BNC2: variants seen among roughly 807,000 people sequenced by gnomAD.
BNC2 encodes basonuclin zinc finger protein 2.
BNC2 carries 20 observed loss-of-function variants against 76.3 expected under a neutral mutation model. The observed-to-expected ratio is 0.26, with a 90% confidence interval of 0.18 to 0.38. BNC2 has a LOEUF of 0.38. Among genes scored for constraint, BNC2 ranks in the 10% least tolerant of loss-of-function variants. The pLI, the probability that BNC2 is intolerant of heterozygous loss-of-function variation, is 1.00. For missense variants in BNC2, 1,382 were observed against 1,399.8 expected (o/e 0.99, Z 0.20); for synonymous variants, 582 against 514.8 (o/e 1.13, Z -1.77).
intron 6 of BNC2, among the ~76,000 whole-genome samples, chr9:16,421,052 A>C (rs1428414369): frequency 1.3e-5 from 2 of 152,214 alleles, no homozygotes; most frequent in East Asian, 3.9e-4. Flanking sequence ...GATTATACTT[A>C]AAAGTATGGA....
At chr9:16,540,764 C>A (rs67498978) in intron 5 of BNC2, among the ~76,000 whole-genome samples, 1 of 152,146 alleles carries the variant, frequency 6.6e-6, no homozygotes, top group Non-Finnish European at 1.5e-5. Flanking sequence ...ATTTACCCCC[C>A]TAATAAGAGC....
At chr9:16,679,367 C>T (rs1822755364) in intron 3 of BNC2, among the ~76,000 whole-genome samples, 1 of 152,220 alleles carries the variant, frequency 6.6e-6, no homozygotes, top group Non-Finnish European at 1.5e-5. Context: ...AATGGTTCAA[C>T]ACGATGTCAT....
rs941520009 is a variant in BNC2, at chr9:16,572,807, T to G, written c.433+10176A>C. 8.5e-5 allele frequency among the ~76,000 whole-genome samples: 13 copies of G among 152,148 alleles called. No individual in the cohort carries two copies. The East Asian group carries it at 2.5e-3, about 29-fold the overall frequency. On this transcript the variant is annotated intron_variant, in intron 4 of 6. Coordinates refer to ENST00000380672, the MANE Select transcript of BNC2 (RefSeq NM_017637.6). ...AGTGGTGACTCAAGGGACAAGAGCC[T>G]GGATTTAGGGTGTTAGGATTATCAC...
rs1823982059 is a variant in BNC2 at position 16,715,794 on chromosome 9, T to G, written c.330+12003A>C. On this transcript the variant is annotated intron_variant, in intron 3 of 6. Coordinates refer to ENST00000380672, the MANE Select transcript of BNC2 (RefSeq NM_017637.6). ...TGTTTTAATTTTTGTTACCTCCACA[T>G]GGCCCTTTTAGACAACTACTACTCC... 2.0e-5 allele frequency among the ~76,000 whole-genome samples: 3 copies of G among 152,122 alleles called. 1 individual carries two copies. In the South Asian group the frequency reaches 6.2e-4, roughly 32 times the overall value.
chr9:16,612,866 G>A (rs2133449605), intron 3 of BNC2, among the ~76,000 whole-genome samples: 1 of 152,252 alleles, frequency 6.6e-6, no homozygotes, highest in South Asian at 2.1e-4. Flanking sequence ...CAAGGTCAGA[G>A]ACCATGTCTT....
At chr9:16,573,521 CCAGG>C (rs546615756) in intron 4 of BNC2, among the ~76,000 whole-genome samples, 26,829 of 151,946 alleles carry the variant, frequency 0.18, 4,402 homozygotes, top group African/African-American at 0.43. Context: ...TATTGGACAG[CCAGG>C]TGTAGAGTTG....
At chr9:16,655,488 G>A (rs1258040107) in intron 3 of BNC2, among the ~76,000 whole-genome samples, 1 of 151,872 alleles carries the variant, frequency 6.6e-6, no homozygotes, top group African/African-American at 2.4e-5. Context: ...GTTCCTCCTT[G>A]ACTATCTATC....
At chr9:16,649,805 T>G (rs947530073) in intron 3 of BNC2, among the ~76,000 whole-genome samples, 1 of 152,184 alleles carries the variant, frequency 6.6e-6, no homozygotes, top group African/African-American at 2.4e-5. Context: ...ATAAATAATA[T>G]AGCACAAACT....
intron 1 of BNC2, among the ~76,000 whole-genome samples, chr9:16,751,763 G>A (rs1825219433): frequency 6.6e-6 from 1 of 151,852 alleles, no homozygotes; most frequent in Non-Finnish European, 1.5e-5. Flanking sequence ...AGGCGCAGTG[G>A]CTCACGCCTG....
In BNC2 at chr9:16,689,267, G is replaced by C. The variant is rs138675302; in HGVS notation, c.330+38530C>G. 2.1e-3 allele frequency among the ~76,000 whole-genome samples: 317 copies of C among 151,254 alleles called. 3 individuals carry two copies. Among genetic ancestry groups the C allele is most frequent in the African/African-American group, 7.2e-3 (298 of 41,208 alleles). On this transcript the variant is annotated intron_variant, in intron 3 of 6. Transcript: ENST00000380672. ...GGAGCTACCGTTGAAAATATTTGAAGATGAATGGCTGTGAAAAATGGGTGG... is the reference window on the plus strand; with the variant it reads ...GGAGCTACCGTTGAAAATATTTGAACATGAATGGCTGTGAAAAATGGGTGG...
At chr9:16,582,958 G>T in intron 4 of BNC2, 25 bp downstream of exon 4, 1 of 1,524,068 alleles carries the variant, frequency 6.6e-7, no homozygotes, top group Non-Finnish European at 9.1e-7. Context: ...ATAAGAACGG[G>T]AAGAAAAGCC....
intron 5 of BNC2, among the ~76,000 whole-genome samples, chr9:16,473,930 T>A (rs1821878257): frequency 6.6e-6 from 1 of 152,092 alleles, no homozygotes; most frequent in South Asian, 2.1e-4. Context: ...GATTAAGTAC[T>A]TAAAAGTGTT....
intron 2 of BNC2, among the ~76,000 whole-genome samples, chr9:16,730,746 G>C (rs1031137019): frequency 4.6e-5 from 7 of 152,034 alleles, no homozygotes; most frequent in Non-Finnish European, 8.8e-5. Flanking sequence ...CACAACACGA[G>C]CCTTAAAAGC....
Position 16,415,363 on chromosome 9 carries a change from AG to A in BNC2, c.*3625del, listed in dbSNP as rs1820563784. 6.6e-6 allele frequency: 1 copy of A among 152,048 alleles called. No homozygotes were observed. The highest frequency in any genetic ancestry group is 1.5e-5 in the Non-Finnish European group (1 of 67,962). 9.4% of individuals were successfully genotyped at this position (152,048 alleles called of 1,614,324 possible). A position where few individuals can be genotyped will look rare whatever the true frequency, so the allele number is the denominator to read the frequency against. Reference sequence around the variant, plus strand: ...AGTTTTAAATGATCAAGACAGTACAAGTTTCAACATCAGCTAGAGAACATGC... The same window carrying A: ...AGTTTTAAATGATCAAGACAGTACAATTTCAACATCAGCTAGAGAACATGC... On this transcript the variant is annotated 3_prime_UTR_variant, in exon 7 of 7. Coordinates refer to ENST00000380672, the MANE Select transcript of BNC2 (RefSeq NM_017637.6).
At chr9:16,809,541 C>T (rs1450135397) in intron 1 of BNC2, among the ~76,000 whole-genome samples, 1 of 152,082 alleles carries the variant, frequency 6.6e-6, no homozygotes, top group Non-Finnish European at 1.5e-5. Context: ...CGAGGGTGTA[C>T]CTGCTGAATT....
At chr9:16,646,735 G>A (rs973235836) in intron 3 of BNC2, among the ~76,000 whole-genome samples, 1 of 152,098 alleles carries the variant, frequency 6.6e-6, no homozygotes, top group Non-Finnish European at 1.5e-5. Context: ...ATTTCATTCT[G>A]TGTAAATTGT....
chr9:16,738,339 G>A (rs1302435988), intron 2 of BNC2, 21 bp downstream of exon 2: 5 of 1,489,326 alleles, frequency 3.4e-6, no homozygotes, highest in Non-Finnish European at 4.5e-6. Flanking sequence ...ACTTAAAGGG[G>A]GAAAAAAAAA....
At chr9:16,818,319 G>T (rs368420301) in intron 1 of BNC2, among the ~76,000 whole-genome samples, 6 of 152,282 alleles carry the variant, frequency 3.9e-5, no homozygotes, top group Admixed American at 6.5e-5. Flanking sequence ...CAGGAGAATG[G>T]CGTGAACCTT....
intron 3 of BNC2, chr9:16,665,076 T>C (rs1487760614): frequency 6.6e-6 from 3 of 456,166 alleles, no homozygotes; most frequent in South Asian, 1.5e-5. Context: ...TTAGAAATCA[T>C]AGCAACTTTC....
Sources: allele counts gnomAD v4.1 joint callset (sites outside exome capture counted in the v4.1 genomes callset), GRCh38; gene constraint gnomAD v4.1.1; transcripts MANE v1.5; gene names NCBI Gene and HGNC (gene_info 2026-07-23, HGNC 2026-07-21).